Variants in ANKRD27 observed in about 807,000 individuals in gnomAD.
ANKRD27 encodes ankyrin repeat domain-containing protein 27.
ANKRD27 carries 112 observed loss-of-function variants against 129.7 expected under a neutral mutation model. That is an observed-to-expected ratio of 0.86 (90% CI 0.74 to 1.01). The LOEUF (loss-of-function observed/expected upper bound fraction) is 1.01. ANKRD27 is among the 50% of genes least tolerant of loss of function. ANKRD27 has a pLI of 0.00. For missense variants in ANKRD27, 1,258 were observed against 1,300.5 expected (o/e 0.97, Z 0.50); for synonymous variants, 516 against 511.2 (o/e 1.01, Z -0.13).
intron 1 of ANKRD27, among the ~76,000 whole-genome samples, chr19:32,660,192 C>T (rs970209238): frequency 1.3e-5 from 2 of 152,192 alleles, no homozygotes; most frequent in Non-Finnish European, 2.9e-5. Context: ...ACCCGCTAGG[C>T]GGGGCCTTTG....
rs1351055618 is a variant in ANKRD27 at position 32,599,759 on chromosome 19, TC to T, written c.2863del (p.Glu955ArgfsTer12). On this transcript the variant is annotated frameshift_variant, in exon 28 of 29. Transcript: ENST00000306065. LOFTEE classifies it high-confidence loss of function. ...GACACTTCTATCTCTTGCCATAATC[TC>T]CCTTGAAGTCTTTCCCCTAAAACCC... ...AGQFKGKTSR[E>X]IMARDRSVPN... 1 of 1,613,542 alleles carries T rather than the reference TC, an allele frequency of 6.2e-7. No homozygotes were observed. Among genetic ancestry groups the T allele is most frequent in the Non-Finnish European group, 8.5e-7 (1 of 1,179,930 alleles).
rs763577757 is a variant in ANKRD27 at position 32,599,969 on chromosome 19, C to G, written c.2846+3G>C. Reference sequence around the variant, plus strand: ...CAGAAATCAACTTGAGTTTCATACTCACTTAAACTGACCAGCTGAGTGGAC... The same window carrying G: ...CAGAAATCAACTTGAGTTTCATACTGACTTAAACTGACCAGCTGAGTGGAC... On this transcript the variant is annotated splice_donor_region_variant and intron_variant, in intron 27 of 28. Coordinates refer to ENST00000306065, the MANE Select transcript of ANKRD27 (RefSeq NM_032139.3). 1.1e-5 allele frequency: 18 copies of G among 1,610,952 alleles called. No individual in the cohort carries two copies. The highest frequency in any genetic ancestry group is 2.2e-5 in the East Asian group (1 of 44,826).
intron 13 of ANKRD27, among the ~76,000 whole-genome samples, chr19:32,631,188 T>C (rs1305823220): frequency 6.6e-6 from 1 of 152,076 alleles, no homozygotes; most frequent in Admixed American, 6.6e-5. Context: ...CAGCTAATTT[T>C]TGTATTTTTA....
rs532062312 is a variant in ANKRD27 at position 32,606,939 on chromosome 19, CAAAAAAAAAAAAAAAAAAAAA to C, written c.2373+675_2373+695del. 9.4e-3 allele frequency among the ~76,000 whole-genome samples: 619 copies of C among 65,658 alleles called. 3 individuals are homozygous for C. Among genetic ancestry groups the C allele is most frequent in the Non-Finnish European group, 0.013 (490 of 38,682 alleles). The allele number at this position is 65,658 out of a possible 152,430, so 43.1% of individuals were successfully genotyped here. A position where few individuals can be genotyped will look rare whatever the true frequency, so the allele number is the denominator to read the frequency against. On this transcript the variant is annotated intron_variant, in intron 23 of 28. Transcript: ENST00000306065. ...ACAACATGGTGAAACCCCATCTCCA[CAAAAAAAAAAAAAAAAAAAAA>C]AAAAAAAAAAAAAAGAAAAATTTAT...
intron 15 of ANKRD27, 62 bp from the exon 16 acceptor site, chr19:32,626,889 T>A: frequency 8.6e-7 from 1 of 1,165,348 alleles, no homozygotes; most frequent in Non-Finnish European, 1.2e-6. Context: ...ACACCTTAAC[T>A]GTAAAACCAC....
In ANKRD27 at chr19:32,631,509, C is replaced by A. The variant is rs773221357; in HGVS notation, c.1117-15G>T. On this transcript the variant is annotated splice_polypyrimidine_tract_variant and intron_variant, in intron 12 of 28. Transcript: ENST00000306065. ...CCCTCAGACTCCTGCAGGGAAAAAA[C>A]CAAACACACCACGAGATGTCAGTGC... The A allele has an allele frequency of 3.7e-6, 6 of 1,606,164 alleles. No homozygotes were observed. Among genetic ancestry groups the A allele is most frequent in the South Asian group, 1.1e-5 (1 of 90,906 alleles).
At chr19:32,622,946 T>G (rs75704431) in intron 17 of ANKRD27, among the ~76,000 whole-genome samples, 1 of 149,108 alleles carries the variant, frequency 6.7e-6, no homozygotes, top group African/African-American at 2.5e-5. Flanking sequence ...CCTGGATGGT[T>G]TTTTTTTTTA....
At chr19:32,616,964 C>T (rs1971929780) in intron 21 of ANKRD27, among the ~76,000 whole-genome samples, 1 of 152,174 alleles carries the variant, frequency 6.6e-6, no homozygotes, top group Non-Finnish European at 1.5e-5. Context: ...TGGGCCTGGG[C>T]TCTGAGCCCA....
chr19:32,625,805 G>A, intron 17 of ANKRD27, 69 bp downstream of exon 17: 1 of 1,275,850 alleles, frequency 7.8e-7, no homozygotes. Context: ...ACATTAATGA[G>A]AAATCCCGAC....
In ANKRD27 at chr19:32,629,221, G is replaced by A. The variant is rs112202010; in HGVS notation, c.1210-372C>T. On this transcript the variant is annotated intron_variant, in intron 13 of 28. Transcript: ENST00000306065. The stretch of plus-strand genomic sequence containing the variant: ...CAGGCGTGAGCCACCAAACCTGGCC[G>A]AGAGTCCTTTTAGAAATGCTCATCT... Among the ~76,000 whole-genome samples the A allele has an allele frequency of 1.7e-4, 26 of 152,162 alleles. 1 individual carries two copies. The highest frequency in any genetic ancestry group is 5.8e-4 in the African/African-American group (24 of 41,520).
rs1967709637 is a variant in ANKRD27, at chr19:32,664,548, A to T, written c.-30-5503T>A. ...GCAGAACTGCTTGAACCCAGGAGGCAGTGGTTGCAGTGAGCCGAGATTGTG... is the reference window on the plus strand; with the variant it reads ...GCAGAACTGCTTGAACCCAGGAGGCTGTGGTTGCAGTGAGCCGAGATTGTG... On this transcript the variant is annotated intron_variant, in intron 1 of 28. Coordinates refer to ENST00000306065, the MANE Select transcript of ANKRD27 (RefSeq NM_032139.3). 2.0e-5 allele frequency among the ~76,000 whole-genome samples: 3 copies of T among 151,032 alleles called. No homozygotes were observed. The South Asian group carries it at 6.3e-4, about 32-fold the overall frequency.
chr19:32,631,904 A>C (rs960875825), intron 12 of ANKRD27, among the ~76,000 whole-genome samples: 8 of 152,262 alleles, frequency 5.3e-5, no homozygotes, highest in Non-Finnish European at 8.8e-5. Flanking sequence ...GCCTTTGGGC[A>C]GGAAAGCCAT....
intron 9 of ANKRD27, 55 bp downstream of exon 9, chr19:32,643,068 G>A (rs1967231131): frequency 6.4e-7 from 1 of 1,571,842 alleles, no homozygotes; most frequent in African/African-American, 1.4e-5. Context: ...GCTTCCGGGA[G>A]AAGACAGCAC....
intron 10 of ANKRD27, among the ~76,000 whole-genome samples, chr19:32,641,820 T>C (rs117010041): frequency 0.012 from 1,827 of 148,606 alleles, 13 homozygotes; most frequent in Middle Eastern, 0.024. Flanking sequence ...CAGGCTGTAG[T>C]GCACTGGTGT....
chr19:32,607,238 G>A (rs1040862945), intron 23 of ANKRD27, among the ~76,000 whole-genome samples: 7 of 151,928 alleles, frequency 4.6e-5, no homozygotes, highest in African/African-American at 1.5e-4. Context: ...GCCCCTCTAT[G>A]GGGCCCTGAC....
At chr19:32,629,399 A>G (rs1268156192) in intron 13 of ANKRD27, among the ~76,000 whole-genome samples, 6 of 152,106 alleles carry the variant, frequency 3.9e-5, no homozygotes, top group African/African-American at 1.4e-4. Flanking sequence ...AGTTTCCCAT[A>G]ATTAAAAAAA....
Position 32,619,356 on chromosome 19 carries a change from G to A in ANKRD27, c.1911C>T (p.Arg637=). The A allele has an allele frequency of 6.2e-7, 1 of 1,613,668 alleles. No individual in the cohort carries two copies. The highest frequency in any genetic ancestry group is 8.5e-7 in the Non-Finnish European group (1 of 1,179,962). Residue 637 remains arginine (R), a synonymous_variant, in exon 20 of 29, where the codon CGC becomes CGT. Transcript: ENST00000306065. The part of the protein sequence containing the change: ...SSEAPVQSPQ[R]SVDSISQESS... ...ACTCTTGGCTGATGGAGTCCACGGA[G>A]CGCTGCGGGGACTGCACAGGGGCCT...
At chr19:32,615,517 G>A (rs1035990422) in intron 22 of ANKRD27, 141 bp downstream of exon 22, 5 of 1,360,356 alleles carry the variant, frequency 3.7e-6, no homozygotes, top group Middle Eastern at 2.0e-4. Flanking sequence ...CCAGGCGGTT[G>A]AGGCTGCAGT....
At chr19:32,640,108 C>G (rs1967167313) in intron 11 of ANKRD27, among the ~76,000 whole-genome samples, 199 bp downstream of exon 11, 1 of 152,140 alleles carries the variant, frequency 6.6e-6, no homozygotes, top group South Asian at 2.1e-4. Flanking sequence ...ACTACAGGTG[C>G]CCACCACCAT....
Sources: allele counts gnomAD v4.1 joint callset (sites outside exome capture counted in the v4.1 genomes callset), GRCh38; gene constraint gnomAD v4.1.1; transcripts MANE v1.5; gene names NCBI Gene and HGNC (gene_info 2026-07-23, HGNC 2026-07-21).